FOXN3: variants seen among roughly 807,000 people sequenced by gnomAD.
The protein encoded by FOXN3 is forkhead box protein N3.
In FOXN3, 7 loss-of-function variants were observed where a neutral mutation model predicts 38.4. The ratio of observed to expected loss-of-function variants is 0.18; its 90% CI spans 0.10 to 0.34. The LOEUF (loss-of-function observed/expected upper bound fraction) is 0.34. FOXN3 is among the 10% of genes least tolerant of loss of function. The pLI is 1.00. For synonymous variants in FOXN3, 230 were observed against 242.2 expected, an observed-to-expected ratio of 0.95 and a Z score of 0.47; for missense variants, 456 against 613.4, an observed-to-expected ratio of 0.74 and a Z score of 2.71.
At chr14:89,249,028 T>C (rs886259877) in intron 4 of FOXN3, among the ~76,000 whole-genome samples, 3 of 152,244 alleles carry the variant, frequency 2.0e-5, no homozygotes, top group Non-Finnish European at 2.9e-5. Flanking sequence ...CCAGGCTACT[T>C]GAATGCCAAA....
rs754398174 is a variant in FOXN3, at chr14:89,281,017, G to A, written c.681-3C>T. 6.2e-7 allele frequency: 1 copy of A among 1,612,858 alleles called. No homozygotes were observed. Among genetic ancestry groups the A allele is most frequent in the African/African-American group, 1.3e-5 (1 of 74,882 alleles). On this transcript the variant is annotated splice_region_variant and splice_polypyrimidine_tract_variant and intron_variant, in intron 3 of 5. Coordinates refer to ENST00000557258, the MANE Select transcript of FOXN3 (RefSeq NM_005197.4). ...GCCAGATGGGTGGACCTGATGTGCTGAAAGAGAAAAGAAACTAGCATAAGG... is the reference window on the plus strand; with the variant it reads ...GCCAGATGGGTGGACCTGATGTGCTAAAAGAGAAAAGAAACTAGCATAAGG...
chr14:89,613,116 C>CAAAAAAAAA (rs10581958), intron 1 of FOXN3, among the ~76,000 whole-genome samples: 1 of 74,600 alleles, frequency 1.3e-5, no homozygotes, highest in African/African-American at 6.7e-5. Context: ...GACTCTGTCT[C>CAAAAAAAAA]AAAAAAAAAA....
rs183852488 is a variant in FOXN3, at chr14:89,384,470, T to C, written c.543+27464A>G. Reference sequence around the variant, plus strand: ...CAATTCTGAGTCACAGACAAGCTACTTACTATGGGCAGACACTAAAAAACA... The same window carrying C: ...CAATTCTGAGTCACAGACAAGCTACCTACTATGGGCAGACACTAAAAAACA... On this transcript the variant is annotated intron_variant, in intron 2 of 5. Coordinates refer to ENST00000557258, the MANE Select transcript of FOXN3 (RefSeq NM_005197.4). Among the ~76,000 whole-genome samples the C allele has an allele frequency of 1.4e-4, 22 of 152,312 alleles. No homozygotes were observed. The East Asian group carries it at 4.2e-3, about 29-fold the overall frequency.
At chr14:89,459,995 T>G (rs17125893) in intron 1 of FOXN3, among the ~76,000 whole-genome samples, 3,228 of 152,204 alleles carry the variant, frequency 0.021, 125 homozygotes, top group African/African-American at 0.074. Context: ...GCCAAGATGT[T>G]CCCCTGGAAG....
At chr14:89,422,709 C>A (rs1891940688) in intron 1 of FOXN3, among the ~76,000 whole-genome samples, 1 of 152,168 alleles carries the variant, frequency 6.6e-6, no homozygotes, top group Non-Finnish European at 1.5e-5. Context: ...GTCACCGTCT[C>A]TTGGGATTTT....
chr14:89,587,725 G>C (rs1219711205), intron 1 of FOXN3, among the ~76,000 whole-genome samples: 1 of 152,080 alleles, frequency 6.6e-6, no homozygotes, highest in Non-Finnish European at 1.5e-5. Flanking sequence ...AAATTAGCCA[G>C]GTGTGGTGGC....
Position 89,385,388 on chromosome 14 carries a change from C to T in FOXN3, c.543+26546G>A, listed in dbSNP as rs567283054. Among the ~76,000 whole-genome samples the T allele has an allele frequency of 5.9e-5, 9 of 151,418 alleles. No homozygotes were observed. The East Asian group carries it at 1.4e-3, about 23-fold the overall frequency. On this transcript the variant is annotated intron_variant, in intron 2 of 5. Coordinates refer to ENST00000557258, the MANE Select transcript of FOXN3 (RefSeq NM_005197.4). ...GGCCCATCTTTTTCAAAAGTCCAAA[C>T]CCATCAACTTCAGAGAGGAAAAGGC...
chr14:89,400,617 G>C (rs915963840), intron 2 of FOXN3, among the ~76,000 whole-genome samples: 1 of 152,116 alleles, frequency 6.6e-6, no homozygotes, highest in Admixed American at 6.5e-5. Flanking sequence ...GCCCCAGAGA[G>C]GTAGATCCCC....
intron 1 of FOXN3, among the ~76,000 whole-genome samples, chr14:89,453,417 G>A (rs917173723): frequency 1.3e-5 from 2 of 150,958 alleles, no homozygotes; most frequent in Admixed American, 6.6e-5. Context: ...AAAATTAACC[G>A]GGCGTGGTGG....
rs780891080 is a variant in FOXN3, at chr14:89,280,990, C to A, written c.705G>T (p.Pro235=). The A allele has an allele frequency of 6.2e-7, 1 of 1,613,756 alleles. No homozygotes were observed. The highest frequency in any genetic ancestry group is 1.3e-5 in the African/African-American group (1 of 75,000). The change falls in exon 4 of 6, where the codon CCG becomes CCT. Residue 235 remains proline, a synonymous_variant. Transcript: ENST00000557258. ...CATTTCTCTTGAAGAAGGTACTGCC[C>A]GGCCAGATGGGTGGACCTGATGTGC... ...YQSTSGPPIW[P]GSTFFKRNGA...
intron 4 of FOXN3, among the ~76,000 whole-genome samples, chr14:89,199,087 C>T (rs999331343): frequency 3.9e-5 from 6 of 152,194 alleles, no homozygotes; most frequent in East Asian, 1.9e-4. Context: ...CAGCAGAACA[C>T]GGGGTGCCGT....
chr14:89,218,947 T>C (rs1327008804), intron 4 of FOXN3, among the ~76,000 whole-genome samples: 5 of 152,264 alleles, frequency 3.3e-5, no homozygotes, highest in Non-Finnish European at 7.3e-5. Flanking sequence ...AGACTTTCCC[T>C]AACCTTCCAA....
chr14:89,348,240 G>A (rs952926012), intron 3 of FOXN3, among the ~76,000 whole-genome samples: 2 of 152,058 alleles, frequency 1.3e-5, no homozygotes, highest in African/African-American at 4.8e-5. Flanking sequence ...CCAGCAAGGG[G>A]CTGACGGGTG....
At chr14:89,180,923 C>G in intron 4 of FOXN3, 117 bp from the exon 5 acceptor site, 1 of 493,034 alleles carries the variant, frequency 2.0e-6, no homozygotes. Flanking sequence ...AGGGCAGAGA[C>G]AGAGAGAAAC....
rs1886991954 is a variant in FOXN3 at position 89,156,825 on chromosome 14, G to A, written c.*5589C>T. On this transcript the variant is annotated 3_prime_UTR_variant, in exon 6 of 6. Coordinates refer to ENST00000557258, the MANE Select transcript of FOXN3 (RefSeq NM_005197.4). Reference sequence around the variant, plus strand: ...AAACTGGTTACTGAATCAGCTATGAGCTCAGATGGCCTCAACATACATACT... The same window carrying A: ...AAACTGGTTACTGAATCAGCTATGAACTCAGATGGCCTCAACATACATACT... The A allele has an allele frequency of 6.6e-6, 1 of 152,164 alleles. No individual in the cohort carries two copies. The highest frequency in any genetic ancestry group is 1.5e-5 in the Non-Finnish European group (1 of 68,036). The allele number at this position is 152,164 out of a possible 1,614,324, so 9.4% of individuals were successfully genotyped here.
At chr14:89,212,855 T>A (rs190345608) in intron 4 of FOXN3, among the ~76,000 whole-genome samples, 37 of 152,222 alleles carry the variant, frequency 2.4e-4, no homozygotes, top group African/African-American at 8.4e-4. Context: ...TTAATGAGGA[T>A]CAGGTTTGAC....
At chr14:89,355,647 C>G (rs1889187939) in intron 2 of FOXN3, among the ~76,000 whole-genome samples, 1 of 152,216 alleles carries the variant, frequency 6.6e-6, no homozygotes, top group African/African-American at 2.4e-5. Flanking sequence ...ATGTAACAAA[C>G]TAGAACCAAA....
chr14:89,336,139 C>T (rs1596193196), intron 3 of FOXN3, among the ~76,000 whole-genome samples: 1 of 22,860 alleles, frequency 4.4e-5, no homozygotes, highest in East Asian at 1.9e-3. Context: ...GTGATCCTTA[C>T]ACACACACAC....
intron 1 of FOXN3, among the ~76,000 whole-genome samples, chr14:89,542,173 C>T (rs1171601617): frequency 6.6e-6 from 1 of 152,144 alleles, no homozygotes; most frequent in Non-Finnish European, 1.5e-5. Flanking sequence ...GGGAGATGTG[C>T]TCTGCTACAA....
Sources: allele counts gnomAD v4.1 joint callset (sites outside exome capture counted in the v4.1 genomes callset), GRCh38; gene constraint gnomAD v4.1.1; transcripts MANE v1.5; gene names NCBI Gene and HGNC (gene_info 2026-07-23, HGNC 2026-07-21).